The following CAND1 variants were observed in gnomAD, a reference collection of about 807,000 sequenced individuals.
The protein encoded by CAND1 is cullin associated and neddylation dissociated 1, also known as cullin-associated NEDD8-dissociated protein 1.
CAND1 carries 7 observed loss-of-function variants against 108.5 expected under a neutral mutation model. That is an observed-to-expected ratio of 0.06 (90% confidence interval 0.04 to 0.12). CAND1 has a LOEUF of 0.12. Among genes scored for constraint, CAND1 ranks in the 10% least tolerant of loss-of-function variants. The pLI, the probability that CAND1 is intolerant of heterozygous loss-of-function variation, is 1.00. For missense variants in CAND1, 941 were observed against 1,448.7 expected (o/e 0.65, Z 5.69); for synonymous variants, 534 against 512.0 (o/e 1.04, Z -0.58).
intron 1 of CAND1, 59 bp downstream of exon 1, chr12:67,269,844 C>T: frequency 4.1e-6 from 6 of 1,462,284 alleles, no homozygotes; most frequent in Non-Finnish European, 5.6e-6. Flanking sequence ...CGGCCCTGGC[C>T]GTCACGCAGG....
chr12:67,286,098 C>T (rs763770933), intron 2 of CAND1, among the ~76,000 whole-genome samples: 10 of 152,120 alleles, frequency 6.6e-5, no homozygotes, highest in Non-Finnish European at 1.5e-4. Flanking sequence ...AGCTCTGCCT[C>T]CCGGGTTCAC....
intron 2 of CAND1, among the ~76,000 whole-genome samples, chr12:67,289,758 T>C (rs1175342795): frequency 6.6e-6 from 1 of 152,228 alleles, no homozygotes; most frequent in Non-Finnish European, 1.5e-5. Flanking sequence ...ATTCGGTCTC[T>C]CCATGTATCT....
At chr12:67,307,345 G>A in intron 10 of CAND1, 52 bp from the exon 11 acceptor site, 37 of 1,271,386 alleles carry the variant, frequency 2.9e-5, no homozygotes, top group Non-Finnish European at 4.1e-5. Context: ...AATGATGTCC[G>A]TGAGTTTTAG....
intron 1 of CAND1, among the ~76,000 whole-genome samples, chr12:67,280,603 G>T (rs1177364153): frequency 6.6e-6 from 1 of 152,216 alleles, no homozygotes; most frequent in African/African-American, 2.4e-5. Context: ...CAAGAATTAT[G>T]GGACAAGTTC....
intron 7 of CAND1, among the ~76,000 whole-genome samples, chr12:67,300,090 G>A (rs1257399669): frequency 1.3e-5 from 2 of 152,156 alleles, no homozygotes; most frequent in East Asian, 3.8e-4. Context: ...AGTGATGGAT[G>A]AGATTGCAAA....
At position 67,292,803 on chromosome 12, in the gene CAND1, A is replaced by G. The variant is rs777284800; in HGVS notation, c.367+27A>G. On this transcript the variant is annotated intron_variant, in intron 3 of 14. Transcript: ENST00000545606. ...TAAGCAAGAGCACATTTTTCTTCCT[A>G]TTTCTTTTTGTGTGGAGGTATTTCT... 1.6e-5 allele frequency: 25 copies of G among 1,609,840 alleles called. 1 individual carries two copies. In the South Asian group the frequency reaches 1.6e-4, roughly 10 times the overall value.
chr12:67,306,158 T>C lies in CAND1; in HGVS notation c.2490T>C (p.Ser830=), dbSNP rs760768223. The C allele has an allele frequency of 6.2e-7, 1 of 1,614,156 alleles. No homozygotes were observed. Among genetic ancestry groups the C allele is most frequent in the South Asian group, 1.1e-5 (1 of 91,080 alleles). ...QFIQDVKNSR[S]TDSIRLLALL... is the part of the protein sequence containing the mutation. ...TTCAAGATGTCAAGAACTCAAGGTCTACAGATTCCATTCGTCTCTTAGCTC... is the reference window on the plus strand; with the variant it reads ...TTCAAGATGTCAAGAACTCAAGGTCCACAGATTCCATTCGTCTCTTAGCTC... The change falls in exon 10 of 15, where the codon TCT becomes TCC. Residue 830 remains serine (S), a synonymous_variant. Coordinates refer to ENST00000545606, the MANE Select transcript of CAND1 (RefSeq NM_018448.5).
chr12:67,287,741 C>A (rs2044684998), intron 2 of CAND1, among the ~76,000 whole-genome samples: 1 of 143,356 alleles, frequency 7.0e-6, no homozygotes, highest in Non-Finnish European at 1.6e-5. Context: ...TAATGGGTTT[C>A]TTTCTAATTT....
Position 67,277,754 on chromosome 12 carries a change from TA to T in CAND1, c.69-4155del, listed in dbSNP as rs558910657. Among the ~76,000 whole-genome samples the T allele has an allele frequency of 1.5e-3, 227 of 152,324 alleles. 1 individual carries two copies. The highest frequency in any genetic ancestry group is 5.2e-3 in the African/African-American group (215 of 41,568). On this transcript the variant is annotated intron_variant, in intron 1 of 14. Coordinates refer to ENST00000545606, the MANE Select transcript of CAND1 (RefSeq NM_018448.5). ...TGCTTTACAAATAAATGTTAATGAG[TA>T]GGTGAATTTGCAAATATGGAACCTG...
chr12:67,286,103 G>A (rs1360226535), intron 2 of CAND1, among the ~76,000 whole-genome samples: 2 of 152,048 alleles, frequency 1.3e-5, no homozygotes, highest in African/African-American at 2.4e-5. Flanking sequence ...TGCCTCCCGG[G>A]TTCACTCCAT....
chr12:67,306,619 C>T (rs761245287), intron 10 of CAND1, 22 bp downstream of exon 10: 5 of 1,539,488 alleles, frequency 3.2e-6, no homozygotes, highest in Middle Eastern at 3.5e-4. Context: ...GATTTTCTTA[C>T]TTAAAAAGTT....
intron 2 of CAND1, among the ~76,000 whole-genome samples, chr12:67,284,865 A>C (rs1345642777): frequency 9.5e-6 from 1 of 105,762 alleles, no homozygotes; most frequent in African/African-American, 3.0e-5. Flanking sequence ...GGACAAGGCA[A>C]ATATGTGTAT....
At chr12:67,284,306 T>C (rs2044647627) in intron 2 of CAND1, among the ~76,000 whole-genome samples, 1 of 152,034 alleles carries the variant, frequency 6.6e-6, no homozygotes, top group Non-Finnish European at 1.5e-5. Flanking sequence ...AACTATAGAT[T>C]AGCTTCATTT....
At chr12:67,301,393 T>C (rs2044823416) in intron 7 of CAND1, among the ~76,000 whole-genome samples, 1 of 152,206 alleles carries the variant, frequency 6.6e-6, no homozygotes, top group South Asian at 2.1e-4. Context: ...AGGCTATGTA[T>C]AGTCTTATCT....
Position 67,306,582 on chromosome 12 carries a change from G to A in CAND1, c.2914G>A (p.Gly972Arg). 1 of 1,605,318 alleles carries A rather than the reference G, an allele frequency of 6.2e-7. No homozygotes were observed. Among genetic ancestry groups the A allele is most frequent in the Non-Finnish European group, 8.5e-7 (1 of 1,175,802 alleles). The change falls in exon 10 of 15, where the codon GGG (glycine) becomes AGG (arginine). Residue 972 changes from glycine to arginine, a missense_variant. Transcript: ENST00000545606. ...AGAAACTCTCCTTCCACGGCTTAAG[G>A]GGTACTTGATATCAGGTAGGTATCT... ...DPETLLPRLKGYLISGSSYAR... is the reference protein window; with the variant it reads ...DPETLLPRLKRYLISGSSYAR...
intron 1 of CAND1, among the ~76,000 whole-genome samples, chr12:67,272,233 T>A (rs1427776655): frequency 6.6e-6 from 1 of 152,234 alleles, no homozygotes; most frequent in Non-Finnish European, 1.5e-5. Flanking sequence ...AATTTTATTA[T>A]CCTCATGGTA....
intron 11 of CAND1, among the ~76,000 whole-genome samples, chr12:67,309,646 C>A (rs1460090217): frequency 6.6e-6 from 1 of 151,944 alleles, no homozygotes; most frequent in Non-Finnish European, 1.5e-5. Context: ...ACTCTTCTTC[C>A]ATACCCTCTG....
chr12:67,271,809 AT>A (rs2044523201), intron 1 of CAND1, among the ~76,000 whole-genome samples: 1 of 152,222 alleles, frequency 6.6e-6, no homozygotes, highest in Admixed American at 6.5e-5. Context: ...ATTTGGCATC[AT>A]TAAGATATTT....
intron 1 of CAND1, among the ~76,000 whole-genome samples, chr12:67,279,452 A>G (rs2044600324): frequency 6.6e-6 from 1 of 152,198 alleles, no homozygotes; most frequent in Non-Finnish European, 1.5e-5. Context: ...TACCACATTT[A>G]TAGAAGGAAT....
Sources: gnomAD v4.1 joint callset for allele counts (sites outside exome capture counted in the v4.1 genomes callset) on GRCh38, gnomAD v4.1.1 for gene constraint, MANE v1.5 for transcripts, NCBI Gene and HGNC (gene_info 2026-07-23, HGNC 2026-07-21) for gene names.